The following SENP1 variants were observed in gnomAD, a reference collection of about 807,000 sequenced individuals.
The protein encoded by SENP1 is sentrin-specific protease 1.
Under a neutral mutation model 93.0 loss-of-function variants are expected in SENP1, and 21 were observed. The ratio of observed to expected loss-of-function variants is 0.23; its 90% CI spans 0.16 to 0.33. The LOEUF (loss-of-function observed/expected upper bound fraction) is 0.33, where lower values mean the gene tolerates loss of function less well. Among genes scored for constraint, SENP1 ranks in the 10% least tolerant of loss-of-function variants. The pLI is 1.00. For synonymous variants in SENP1, 256 were observed against 259.6 expected, an observed-to-expected ratio of 0.99 and a Z score of 0.13; for missense variants, 591 against 758.7, an observed-to-expected ratio of 0.78 and a Z score of 2.60.
At chr12:48,103,362 T>C (rs549627547) in intron 1 of SENP1, among the ~76,000 whole-genome samples, 1 of 152,288 alleles carries the variant, frequency 6.6e-6, no homozygotes, top group East Asian at 1.9e-4. Context: ...AAATGCACAT[T>C]TCAAACATTA....
chr12:48,047,787 A>G (rs1339334206), intron 15 of SENP1, among the ~76,000 whole-genome samples: 2 of 152,226 alleles, frequency 1.3e-5, no homozygotes, highest in Admixed American at 1.3e-4. Flanking sequence ...TCTAGTCTAC[A>G]TTTTAGTGCA....
chr12:48,098,454 C>A (rs955310775), intron 2 of SENP1, among the ~76,000 whole-genome samples: 3 of 151,598 alleles, frequency 2.0e-5, no homozygotes, highest in African/African-American at 7.3e-5. Context: ...ACCAGCCTGG[C>A]CAACATGGTG....
chr12:48,087,979 C>T (rs1372590581), intron 5 of SENP1, among the ~76,000 whole-genome samples: 1 of 151,980 alleles, frequency 6.6e-6, no homozygotes, highest in Non-Finnish European at 1.5e-5. Flanking sequence ...TTTCATCTGC[C>T]TTTAATAATC....
At chr12:48,090,623 G>T (rs1945161954) in intron 4 of SENP1, among the ~76,000 whole-genome samples, 1 of 152,168 alleles carries the variant, frequency 6.6e-6, no homozygotes, top group Admixed American at 6.5e-5. Flanking sequence ...TTGAGGCAGG[G>T]TCTCACTCTG....
intron 17 of SENP1, 36 bp downstream of exon 17, chr12:48,046,320 G>A: frequency 7.0e-7 from 1 of 1,437,800 alleles, no homozygotes; most frequent in Non-Finnish European, 9.8e-7. Context: ...TGGAGACAAA[G>A]TAATCCTAGA....
intron 6 of SENP1, 32 bp downstream of exon 6, chr12:48,083,559 T>A: frequency 1.3e-6 from 2 of 1,593,668 alleles, no homozygotes; most frequent in South Asian, 1.1e-5. Context: ...AGATCCTAAC[T>A]TTTAGTAGCT....
chr12:48,066,838 A>G (rs575956009), intron 10 of SENP1, 89 bp downstream of exon 10: 3 of 1,113,028 alleles, frequency 2.7e-6, no homozygotes, highest in East Asian at 5.2e-5. Context: ...ATTGGCAAAA[A>G]ATAAGCAGGA....
chr12:48,101,770 A>G (rs193002001), intron 1 of SENP1, among the ~76,000 whole-genome samples: 28 of 152,374 alleles, frequency 1.8e-4, no homozygotes, highest in African/African-American at 6.3e-4. Flanking sequence ...ATATTAAAGC[A>G]AGAAGCAAAT....
rs771811003 is a variant in SENP1 at position 48,071,650 on chromosome 12, C to T, written c.995+17G>A. 9.6e-6 allele frequency: 15 copies of T among 1,562,736 alleles called. No homozygotes were observed. The highest frequency in any genetic ancestry group is 1.3e-5 in the Non-Finnish European group (15 of 1,135,794). ...TATTAATTAATTAATAAAGAACAAG[C>T]TTTTTCCAAAGTTTACCTGGGAGTT... On this transcript the variant is annotated intron_variant, in intron 9 of 17. Transcript: ENST00000549518.
At chr12:48,077,381 C>T (rs1304331020) in intron 6 of SENP1, among the ~76,000 whole-genome samples, 3 of 152,234 alleles carry the variant, frequency 2.0e-5, no homozygotes, top group African/African-American at 4.8e-5. Context: ...TTTCTTCTAG[C>T]AGTTTTAGAG....
intron 16 of SENP1, 40 bp from the exon 17 acceptor site, chr12:48,046,491 C>A: frequency 7.7e-7 from 1 of 1,295,484 alleles, no homozygotes; most frequent in Non-Finnish European, 1.1e-6. Flanking sequence ...TCTTTCCAAG[C>A]TTCTTTCCTT....
chr12:48,048,655 CT>C (rs1406628387), intron 14 of SENP1, among the ~76,000 whole-genome samples: 3 of 152,000 alleles, frequency 2.0e-5, no homozygotes, highest in East Asian at 3.9e-4. Context: ...TAATAAGTCA[CT>C]TTTTTTCCCC....
intron 9 of SENP1, 97 bp from the exon 10 acceptor site, chr12:48,067,062 T>C: frequency 1.3e-6 from 1 of 787,032 alleles, no homozygotes; most frequent in East Asian, 2.7e-5. Context: ...AAATTGTTTA[T>C]ATGAGTGCTT....
rs774182169 is a variant in SENP1 at position 48,074,734 on chromosome 12, T to C, written c.612A>G (p.Lys204=). Residue 204 remains lysine, a synonymous_variant, in exon 7 of 18, where the codon AAA becomes AAG. Coordinates refer to ENST00000549518, the MANE Select transcript of SENP1 (RefSeq NM_001267594.2). Reference sequence around the variant, plus strand: ...TGGTGGGTTTGGCTATAGTAAACTGTTTCCCTGTGACCATCTGTAGCAGCT... The same window carrying C: ...TGGTGGGTTTGGCTATAGTAAACTGCTTCCCTGTGACCATCTGTAGCAGCT... ...YRQLLQMVTG[K]QFTIAKPTTH... 5.6e-6 allele frequency: 9 copies of C among 1,613,586 alleles called. No homozygotes were observed. In the African/African-American group the frequency reaches 1.2e-4, roughly 22 times the overall value.
intron 16 of SENP1, 130 bp from the exon 17 acceptor site, chr12:48,046,581 G>T (rs1474610960): frequency 4.3e-6 from 3 of 694,608 alleles, no homozygotes; most frequent in Non-Finnish European, 7.6e-6. Flanking sequence ...TGGCCCCCCA[G>T]TCAGGACAAC....
rs755184922 is a variant in SENP1 at position 48,074,462 on chromosome 12, T to C, written c.802A>G (p.Ser268Gly). 6 of 1,613,780 alleles carry C rather than the reference T, an allele frequency of 3.7e-6. No individual in the cohort carries two copies. In the African/African-American group the frequency reaches 5.3e-5, roughly 14 times the overall value. Reference sequence around the variant, plus strand: ...GTATAAGAAGATAGGGAATATACACTGTGGGACAGCTGTTCCTGGTTAGTT... The same window carrying C: ...GTATAAGAAGATAGGGAATATACACCGTGGGACAGCTGTTCCTGGTTAGTT... ...ILTNQEQLSHSVYSLSSYTPD... is the reference protein window; with the variant it reads ...ILTNQEQLSHGVYSLSSYTPD... The change falls in exon 8 of 18, where the codon AGT (serine) becomes GGT (glycine). Residue 268 changes from serine (S) to glycine (G), a missense_variant. Transcript: ENST00000549518.
Position 48,096,431 on chromosome 12 carries a change from A to T in SENP1, c.136-4T>A. The T allele has an allele frequency of 6.3e-7, 1 of 1,588,524 alleles. No individual in the cohort carries two copies. On this transcript the variant is annotated splice_polypyrimidine_tract_variant and splice_region_variant and intron_variant, in intron 3 of 17. Transcript: ENST00000549518. Reference sequence around the variant, plus strand: ...GTCCTTGCCTGGAAGATAAAATCTAAACAAAGCAGAAGATTTTTCTTAAGT... The same window carrying T: ...GTCCTTGCCTGGAAGATAAAATCTATACAAAGCAGAAGATTTTTCTTAAGT...
chr12:48,084,860 A>G (rs1367947473), intron 5 of SENP1, among the ~76,000 whole-genome samples: 1 of 152,240 alleles, frequency 6.6e-6, no homozygotes, highest in Non-Finnish European at 1.5e-5. Flanking sequence ...AGACTAGAGA[A>G]ACACAGCTGA....
chr12:48,058,449 AG>A (rs1410163526), intron 13 of SENP1, among the ~76,000 whole-genome samples: 1 of 151,752 alleles, frequency 6.6e-6, no homozygotes, highest in East Asian at 1.9e-4. Flanking sequence ...GTATTTTTAA[AG>A]CTCCATTTTG....
Sources: allele counts gnomAD v4.1 joint callset (sites outside exome capture counted in the v4.1 genomes callset), GRCh38; gene constraint gnomAD v4.1.1; transcripts MANE v1.5; gene names NCBI Gene and HGNC (gene_info 2026-07-23, HGNC 2026-07-21).